SHISA9: variants seen among roughly 807,000 people sequenced by gnomAD.
SHISA9 encodes protein shisa-9.
In SHISA9, 13 loss-of-function variants were observed where a neutral mutation model predicts 38.0. That is an observed-to-expected ratio of 0.34 (90% CI 0.22 to 0.54). SHISA9 has a LOEUF of 0.54. Among genes scored for constraint, SHISA9 ranks in the 20% least tolerant of loss-of-function variants. The pLI is 0.91. For missense variants in SHISA9, 538 were observed against 575.8 expected (o/e 0.93, Z 0.67); for synonymous variants, 275 against 242.0 (o/e 1.14, Z -1.27).
chr16:13,314,314 A>C, the SHISA9 span, among the ~76,000 whole-genome samples: 25 of 152,052 alleles, frequency 1.6e-4, no homozygotes, highest in Non-Finnish European at 2.5e-4. Flanking sequence ...CCCGGGTTCA[A>C]CCAATTCTCC....
At chr16:13,417,998 A>G in the SHISA9 span, among the ~76,000 whole-genome samples, 1 of 151,984 alleles carries the variant, frequency 6.6e-6, no homozygotes, top group Admixed American at 6.6e-5. Context: ...CCATGAGCCT[A>G]TTTTCTTCTT....
chr16:13,181,972 T>G (rs1199784184), intron 2 of SHISA9, among the ~76,000 whole-genome samples: 3 of 152,144 alleles, frequency 2.0e-5, no homozygotes, highest in African/African-American at 7.2e-5. Flanking sequence ...ATAAGTATGG[T>G]GCAAAACAGC....
chr16:13,301,329 T>C, the SHISA9 span, among the ~76,000 whole-genome samples: 4 of 152,212 alleles, frequency 2.6e-5, no homozygotes, highest in Non-Finnish European at 4.4e-5. Flanking sequence ...TTGGAGAGTC[T>C]TGTTAAAATG....
chr16:13,532,568 TG>T, the SHISA9 span, among the ~76,000 whole-genome samples: 3 of 151,848 alleles, frequency 2.0e-5, no homozygotes, highest in Non-Finnish European at 1.5e-5. Context: ...TGTGTGTGTG[TG>T]TGTGTGTGTG....
the SHISA9 span, among the ~76,000 whole-genome samples, chr16:13,490,260 C>T: frequency 0.023 from 3,562 of 152,060 alleles, 57 homozygotes; most frequent in East Asian, 0.04. Flanking sequence ...GGGTGTTTGT[C>T]GAACAATGGT....
chr16:13,019,895 CTT>C (rs1567184116), intron 2 of SHISA9, among the ~76,000 whole-genome samples: 1 of 20,584 alleles, frequency 4.9e-5, no homozygotes, highest in Non-Finnish European at 1.1e-4. Context: ...TTCTTTCTTT[CTT>C]TCTTTCTTTC....
chr16:13,543,638 GCA>G, the SHISA9 span, among the ~76,000 whole-genome samples: 2 of 152,088 alleles, frequency 1.3e-5, no homozygotes, highest in Non-Finnish European at 2.9e-5. Flanking sequence ...AAGTGTTCAT[GCA>G]CAGAGTCCGT....
At chr16:12,989,117 G>A (rs555394802) in intron 2 of SHISA9, among the ~76,000 whole-genome samples, 2 of 152,280 alleles carry the variant, frequency 1.3e-5, no homozygotes, top group South Asian at 4.2e-4. Flanking sequence ...TGAGCTTATA[G>A]AACCAGTAGA....
At chr16:13,027,231 G>T (rs1266592967) in intron 2 of SHISA9, among the ~76,000 whole-genome samples, 1 of 152,178 alleles carries the variant, frequency 6.6e-6, no homozygotes, top group African/African-American at 2.4e-5. Flanking sequence ...CTGGAGGATG[G>T]ACTCCATCAA....
At chr16:13,227,079 C>G (rs1221551498) in intron 4 of SHISA9, among the ~76,000 whole-genome samples, 1 of 152,168 alleles carries the variant, frequency 6.6e-6, no homozygotes, top group Non-Finnish European at 1.5e-5. Flanking sequence ...AGTTCTTTCT[C>G]AAGAGGCAGG....
intron 2 of SHISA9, among the ~76,000 whole-genome samples, chr16:13,055,679 T>C (rs980340686): frequency 6.6e-5 from 10 of 152,300 alleles, no homozygotes; most frequent in African/African-American, 2.4e-4. Context: ...CCACTCACCC[T>C]CTTCCCTCAT....
At chr16:13,244,899 G>A (rs1228324445), downstream of SHISA9, among the ~76,000 whole-genome samples, 1 of 152,176 alleles carries the variant, frequency 6.6e-6, no homozygotes, top group Admixed American at 6.5e-5. Context: ...TAATACTATA[G>A]GTGGTTCTTT....
At chr16:13,502,151 T>G in the SHISA9 span, among the ~76,000 whole-genome samples, 2 of 152,142 alleles carry the variant, frequency 1.3e-5, no homozygotes, top group Admixed American at 1.3e-4. Context: ...AGTATAATAT[T>G]TTTAGGTCAT....
At chr16:13,496,242 T>G in the SHISA9 span, among the ~76,000 whole-genome samples, 1 of 152,118 alleles carries the variant, frequency 6.6e-6, no homozygotes, top group Non-Finnish European at 1.5e-5. Flanking sequence ...TTTTTTTTCC[T>G]CCATAACATC....
At chr16:13,071,820 T>C (rs568399182) in intron 2 of SHISA9, among the ~76,000 whole-genome samples, 1 of 152,036 alleles carries the variant, frequency 6.6e-6, no homozygotes, top group East Asian at 1.9e-4. Flanking sequence ...TTTTTTTTAA[T>C]TTTTATGGAG....
At chr16:13,279,893 G>C in the SHISA9 span, among the ~76,000 whole-genome samples, 1 of 151,752 alleles carries the variant, frequency 6.6e-6, no homozygotes, top group South Asian at 2.1e-4. Flanking sequence ...ATTCAATTTT[G>C]TTAGGATGTA....
the SHISA9 span, among the ~76,000 whole-genome samples, chr16:13,259,713 G>A: frequency 2.6e-5 from 4 of 152,180 alleles, no homozygotes; most frequent in Non-Finnish European, 5.9e-5. Flanking sequence ...CTGAAGCCAC[G>A]GTCCAAGCCG....
chr16:13,316,874 C>A, the SHISA9 span, among the ~76,000 whole-genome samples: 5 of 152,262 alleles, frequency 3.3e-5, no homozygotes, highest in Admixed American at 3.3e-4. Flanking sequence ...TAAGAAAGGG[C>A]CAAAATTTAA....
intron 2 of SHISA9, among the ~76,000 whole-genome samples, chr16:12,938,125 T>C (rs2141753179): frequency 6.6e-6 from 1 of 152,320 alleles, no homozygotes; most frequent in Non-Finnish European, 1.5e-5. Flanking sequence ...TCCTCAAAGC[T>C]TAGTGTAAGA....
Sources: allele counts gnomAD v4.1 joint callset (sites outside exome capture counted in the v4.1 genomes callset), GRCh38; gene constraint gnomAD v4.1.1; transcripts MANE v1.5; gene names NCBI Gene and HGNC (gene_info 2026-07-23, HGNC 2026-07-21).